PHLPP1: variants seen among roughly 807,000 people sequenced by gnomAD.
The protein encoded by PHLPP1 is PH domain leucine-rich repeat-containing protein phosphatase 1.
A neutral mutation model predicts 117.2 loss-of-function variants in PHLPP1; 42 were observed. The observed-to-expected ratio is 0.36, with a 90% CI of 0.28 to 0.46. PHLPP1 has a LOEUF of 0.46. Ranked by LOEUF, PHLPP1 falls within the 20% of genes least tolerant of loss-of-function variation. The probability of loss-of-function intolerance (pLI) is 1.00; values close to 1 mark genes in which losing one functional copy is unlikely to be tolerated. For missense variants in PHLPP1, 2,084 were observed against 2,241.9 expected (o/e 0.93, Z 1.42); for synonymous variants, 1,042 against 970.7 (o/e 1.07, Z -1.37).
chr18:62,808,565 T>TTTTTTTTTTTTTTTTTTTTTTTTTA (rs747889895), intron 1 of PHLPP1, among the ~76,000 whole-genome samples: 66 of 150,908 alleles, frequency 4.4e-4, no homozygotes, highest in South Asian at 8.5e-4. Context: ...TTGTTTTTTT[T>TTTTTTTTTTTTTTTTTTTTTTTTTA]TTTTGAGACG....
intron 1 of PHLPP1, among the ~76,000 whole-genome samples, chr18:62,807,383 C>T (rs994035532): frequency 3.9e-5 from 6 of 152,114 alleles, no homozygotes; most frequent in South Asian, 2.1e-4. Context: ...AAAATACAAT[C>T]GTATGTATTG....
At chr18:62,735,053 TC>T (rs375883185) in intron 1 of PHLPP1, among the ~76,000 whole-genome samples, 32 of 148,946 alleles carry the variant, frequency 2.1e-4, no homozygotes, top group African/African-American at 7.9e-4. Context: ...TTTTTTTTTT[TC>T]TTTTTTTTGA....
At chr18:62,947,120 C>T (rs1383763580) in intron 12 of PHLPP1, among the ~76,000 whole-genome samples, 3 of 152,218 alleles carry the variant, frequency 2.0e-5, no homozygotes, top group Non-Finnish European at 4.4e-5. Context: ...GTAACTTTCA[C>T]ATTGAGGAAG....
At chr18:62,857,806 CTG>C (rs936268077) in intron 3 of PHLPP1, among the ~76,000 whole-genome samples, 1 of 152,220 alleles carries the variant, frequency 6.6e-6, no homozygotes, top group Non-Finnish European at 1.5e-5. Context: ...AGGGCAGAGA[CTG>C]TGTCTGTCTT....
intron 4 of PHLPP1, among the ~76,000 whole-genome samples, chr18:62,891,389 A>C (rs1284155024): frequency 3.3e-5 from 5 of 152,200 alleles, no homozygotes; most frequent in Admixed American, 2.0e-4. Flanking sequence ...GGAGTTCGAG[A>C]CCAGCCTGGC....
intron 1 of PHLPP1, among the ~76,000 whole-genome samples, chr18:62,828,718 A>C (rs767954571): frequency 1.3e-5 from 2 of 152,190 alleles, no homozygotes; most frequent in African/African-American, 2.4e-5. Flanking sequence ...GACATGTATC[A>C]AAACCACTTG....
rs1050085613 is a variant in PHLPP1, at chr18:62,758,053, C to T, written c.1576+40794C>T. 3.9e-5 allele frequency among the ~76,000 whole-genome samples: 6 copies of T among 152,140 alleles called. No homozygotes were observed. The South Asian group carries it at 6.2e-4, about 16-fold the overall frequency. On this transcript the variant is annotated intron_variant, in intron 1 of 16. Coordinates refer to ENST00000262719, the MANE Select transcript of PHLPP1 (RefSeq NM_194449.4). ...TGGTAGAGGCAGCATGCATTTCGAC[C>T]CCATGAGCGGAGCTTCTGCAAATGT...
chr18:62,895,131 C>A lies in PHLPP1; in HGVS notation c.2187C>A (p.Val729=), dbSNP rs371678653. The change falls in exon 5 of 17, where the codon GTC becomes GTA. Residue 729 remains valine, a synonymous_variant. Transcript: ENST00000262719. The stretch of plus-strand genomic sequence containing the variant: ...TGTCCTGCAATGCCCTGCGATCAGT[C>A]CCGGCAGCCGTTGGAGTGATGCACA... ...LNVSCNALRS[V]PAAVGVMHNL... The A allele has an allele frequency of 6.2e-7, 1 of 1,613,900 alleles. No homozygotes were observed. Among genetic ancestry groups the A allele is most frequent in the Non-Finnish European group, 8.5e-7 (1 of 1,179,888 alleles).
chr18:62,805,349 A>G (rs899818531), intron 1 of PHLPP1, among the ~76,000 whole-genome samples: 3 of 151,346 alleles, frequency 2.0e-5, no homozygotes, highest in African/African-American at 7.3e-5. Context: ...ATACATATAC[A>G]GTATAATATA....
intron 6 of PHLPP1, among the ~76,000 whole-genome samples, chr18:62,897,414 G>A (rs1916590750): frequency 6.6e-6 from 1 of 152,190 alleles, no homozygotes; most frequent in Admixed American, 6.5e-5. Flanking sequence ...ATGAGTAACT[G>A]CTTCCTTCCT....
chr18:62,928,594 C>T (rs2144436174), intron 10 of PHLPP1, among the ~76,000 whole-genome samples: 1 of 152,284 alleles, frequency 6.6e-6, no homozygotes, highest in Middle Eastern at 3.4e-3. Flanking sequence ...CTTTGGAAAA[C>T]AGATTGTCAG....
At chr18:62,953,906 T>A (rs1240135478) in intron 12 of PHLPP1, among the ~76,000 whole-genome samples, 1 of 152,102 alleles carries the variant, frequency 6.6e-6, no homozygotes, top group Non-Finnish European at 1.5e-5. Context: ...AGCCGGTAGG[T>A]TAAGTTGCCA....
intron 1 of PHLPP1, among the ~76,000 whole-genome samples, chr18:62,816,521 C>T (rs1275783403): frequency 1.3e-5 from 2 of 151,998 alleles, no homozygotes; most frequent in African/African-American, 2.4e-5. Flanking sequence ...GAGCTGAGAT[C>T]GTGCCATTGC....
chr18:62,780,587 A>G (rs927817189), intron 1 of PHLPP1, among the ~76,000 whole-genome samples: 1 of 152,226 alleles, frequency 6.6e-6, no homozygotes, highest in African/African-American at 2.4e-5. Context: ...TTCAGTGCTC[A>G]TCAGAATCAC....
At position 62,979,220 on chromosome 18, in the gene PHLPP1, C is replaced by G. The variant is rs749065654; in HGVS notation, c.4943C>G (p.Pro1648Arg). 4.3e-6 allele frequency: 7 copies of G among 1,609,372 alleles called. No homozygotes were observed. Among genetic ancestry groups the G allele is most frequent in the Middle Eastern group, 1.7e-4 (1 of 6,058 alleles). The change falls in exon 17 of 17, where the codon CCT (proline) becomes CGT (arginine). Residue 1648 changes from proline (P) to arginine (R), a missense_variant. Coordinates refer to ENST00000262719, the MANE Select transcript of PHLPP1 (RefSeq NM_194449.4). ...EVATDAPLRK[P>R]GGYFAAPAQP... ...GCTACAGACGCACCTCTTCGAAAGC[C>G]TGGAGGCTATTTTGCTGCCCCGGCT...
At chr18:62,821,778 G>A (rs1184490403) in intron 1 of PHLPP1, among the ~76,000 whole-genome samples, 1 of 149,610 alleles carries the variant, frequency 6.7e-6, no homozygotes, top group African/African-American at 2.5e-5. Context: ...TTGAGACAGA[G>A]TCTTGCTCTG....
At chr18:62,871,476 C>T (rs1042432232) in intron 4 of PHLPP1, among the ~76,000 whole-genome samples, 4 of 151,594 alleles carry the variant, frequency 2.6e-5, no homozygotes, top group African/African-American at 9.7e-5. Flanking sequence ...TACAGGCGTG[C>T]ACCACCACAC....
intron 1 of PHLPP1, among the ~76,000 whole-genome samples, chr18:62,807,909 A>G (rs947485570): frequency 6.6e-6 from 1 of 152,164 alleles, no homozygotes; most frequent in Non-Finnish European, 1.5e-5. Context: ...ATTACTGTAC[A>G]CTACTGTAGA....
At chr18:62,739,725 C>T (rs761016960) in intron 1 of PHLPP1, among the ~76,000 whole-genome samples, 8 of 152,180 alleles carry the variant, frequency 5.3e-5, no homozygotes, top group Non-Finnish European at 1.0e-4. Context: ...GGAAGAGGGT[C>T]GTCTGTTTCC....
Sources: allele counts gnomAD v4.1 joint callset (sites outside exome capture counted in the v4.1 genomes callset), GRCh38; gene constraint gnomAD v4.1.1; transcripts MANE v1.5; gene names NCBI Gene and HGNC (gene_info 2026-07-23, HGNC 2026-07-21).